SPON1: variants seen among roughly 807,000 people sequenced by gnomAD.
The protein encoded by SPON1 is spondin 1, also known as spondin-1.
In SPON1, 52 loss-of-function variants were observed where a neutral mutation model predicts 111.7. The observed-to-expected ratio is 0.47, with a 90% CI of 0.37 to 0.59. The LOEUF (loss-of-function observed/expected upper bound fraction) is 0.59, where lower values mean the gene tolerates loss of function less well. SPON1 is among the 20% of genes least tolerant of loss of function. SPON1 has a pLI of 0.00. For synonymous variants in SPON1, 410 were observed against 395.8 expected (o/e 1.04, Z -0.43); for missense variants, 957 against 1,068.5 (o/e 0.90, Z 1.46).
At chr11:14,018,588 A>G (rs1448038729) in intron 2 of SPON1, among the ~76,000 whole-genome samples, 1 of 152,202 alleles carries the variant, frequency 6.6e-6, no homozygotes, top group Non-Finnish European at 1.5e-5. Flanking sequence ...AAAGATAAGT[A>G]AACAAATGAC....
chr11:14,013,913 G>A (rs1848424318), intron 2 of SPON1, among the ~76,000 whole-genome samples: 3 of 152,174 alleles, frequency 2.0e-5, no homozygotes, highest in Admixed American at 2.0e-4. Flanking sequence ...TTTCTTCCTT[G>A]GGTGTTTTGT....
At chr11:14,077,557 C>T (rs113608354) in intron 4 of SPON1, among the ~76,000 whole-genome samples, 4 of 151,766 alleles carry the variant, frequency 2.6e-5, no homozygotes, top group East Asian at 1.9e-4. Flanking sequence ...CTCAGCCTCC[C>T]GAGTAGTTGG....
chr11:14,043,201 A>C (rs1247965671), intron 3 of SPON1, among the ~76,000 whole-genome samples: 1 of 152,192 alleles, frequency 6.6e-6, no homozygotes, highest in African/African-American at 2.4e-5. Flanking sequence ...CATTACTAGC[A>C]TTTGGCAGAG....
chr11:13,992,500 G>T (rs969591255), intron 2 of SPON1, among the ~76,000 whole-genome samples: 6 of 152,176 alleles, frequency 3.9e-5, no homozygotes, highest in African/African-American at 9.7e-5. Context: ...TGGGCTCCGT[G>T]GGGGTGGGAC....
intron 6 of SPON1, among the ~76,000 whole-genome samples, chr11:14,183,159 G>A (rs1422173601): frequency 6.6e-6 from 1 of 152,134 alleles, no homozygotes; most frequent in African/African-American, 2.4e-5. Flanking sequence ...GGGCCCATTA[G>A]ACTAACATTA....
chr11:14,137,767 G>A (rs1847609579), intron 6 of SPON1, among the ~76,000 whole-genome samples: 1 of 152,114 alleles, frequency 6.6e-6, no homozygotes, highest in Admixed American at 6.5e-5. Context: ...TGCCCCTGAA[G>A]CCAGGCCTAC....
At chr11:14,090,704 C>G (rs1849044058) in intron 5 of SPON1, among the ~76,000 whole-genome samples, 1 of 151,768 alleles carries the variant, frequency 6.6e-6, no homozygotes, top group Admixed American at 6.6e-5. Context: ...CAGCGTGGAC[C>G]CAAAGAGTGA....
intron 5 of SPON1, among the ~76,000 whole-genome samples, chr11:14,087,007 T>G (rs1849011920): frequency 6.6e-6 from 1 of 152,200 alleles, no homozygotes; most frequent in East Asian, 1.9e-4. Flanking sequence ...TTATCATTTT[T>G]TATTGTGTCT....
At chr11:14,222,265 G>A (rs548783876) in intron 6 of SPON1, among the ~76,000 whole-genome samples, 6 of 152,184 alleles carry the variant, frequency 3.9e-5, no homozygotes, top group Admixed American at 6.5e-5. Flanking sequence ...ACATAAGCCA[G>A]GTTTCATCAA....
At position 14,260,740 on chromosome 11, in the gene SPON1, C is replaced by T. The variant is rs34612495; in HGVS notation, c.1984C>T (p.Leu662Phe). 1.1e-5 allele frequency: 17 copies of T among 1,613,546 alleles called. No homozygotes were observed. Among genetic ancestry groups the T allele is most frequent in the Non-Finnish European group, 1.4e-5 (17 of 1,179,636 alleles). Residue 662 changes from leucine to phenylalanine, a missense_variant, in exon 14 of 16, where the codon CTC (leucine) becomes TTC (phenylalanine). Physicochemically the swap from Leu to Phe is conservative, Grantham distance 22. Around this residue, in one of 5 missense-constraint regions of SPON1, gnomAD observed 549 missense variants for 606.2 expected, o/e 0.91. Transcript: ENST00000576479. Reference protein sequence around the residue: ...EDLEQVEKCMLPECPIDCELT... With the variant: ...EDLEQVEKCMFPECPIDCELT... Reference sequence around the variant, plus strand: ...TCTGGAGCAGGTGGAGAAGTGCATGCTCCCTGAATGCCGTAAGTCCTGGAG... The same window carrying T: ...TCTGGAGCAGGTGGAGAAGTGCATGTTCCCTGAATGCCGTAAGTCCTGGAG...
chr11:14,033,350 C>G (rs11605142), intron 2 of SPON1, among the ~76,000 whole-genome samples: 2 of 152,188 alleles, frequency 1.3e-5, no homozygotes, highest in Non-Finnish European at 2.9e-5. Flanking sequence ...CTGCCATGGC[C>G]CACCCACGTG....
At chr11:14,254,389 C>A in intron 7 of SPON1, 139 bp from the exon 8 acceptor site, 1 of 772,984 alleles carries the variant, frequency 1.3e-6, no homozygotes, top group Non-Finnish European at 2.0e-6. Context: ...CCACAGTGGC[C>A]AAAGGCAGAA....
intron 3 of SPON1, among the ~76,000 whole-genome samples, chr11:14,067,029 C>T (rs1474872710): frequency 6.6e-6 from 1 of 152,180 alleles, no homozygotes; most frequent in South Asian, 2.1e-4. Context: ...ATGTAAAAAG[C>T]AGCCAAGCAT....
intron 6 of SPON1, among the ~76,000 whole-genome samples, chr11:14,157,012 A>G (rs1288312247): frequency 6.6e-6 from 1 of 152,202 alleles, no homozygotes; most frequent in Non-Finnish European, 1.5e-5. Context: ...GGAGAGCCAA[A>G]CTATATCAAT....
At chr11:13,989,336 A>G (rs1848209717) in intron 2 of SPON1, among the ~76,000 whole-genome samples, 1 of 152,170 alleles carries the variant, frequency 6.6e-6, no homozygotes, top group African/African-American at 2.4e-5. Context: ...TTATTTGCAT[A>G]GAGGTGTTTA....
chr11:14,015,058 A>T (rs1848434945), intron 2 of SPON1, among the ~76,000 whole-genome samples: 1 of 152,206 alleles, frequency 6.6e-6, no homozygotes, highest in South Asian at 2.1e-4. Context: ...AATGGGCACA[A>T]CATAGTCTAC....
rs534067414 is a variant in SPON1 at position 14,262,576 on chromosome 11, TTTC to T, written c.1997-128_1997-126del. The T allele has an allele frequency of 2.0e-4, 233 of 1,194,360 alleles. 1 individual carries two copies. The South Asian group carries it at 3.2e-3, about 16-fold the overall frequency. 74.0% of individuals were successfully genotyped at this position (1,194,360 alleles called of 1,614,324 possible). A position where few individuals can be genotyped will look rare whatever the true frequency, so the allele number is the denominator to read the frequency against. ...TCAGCCTGCCTCTTTGGAGCCTCAG[TTTC>T]TTCTTCTGTAAAATAGCATGACACA... On this transcript the variant is annotated intron_variant, in intron 14 of 15. Coordinates refer to ENST00000576479, the MANE Select transcript of SPON1 (RefSeq NM_006108.4).
At chr11:14,082,237 TACAGAGTTTC>T (rs1564900730) in intron 5 of SPON1, among the ~76,000 whole-genome samples, 1 of 152,162 alleles carries the variant, frequency 6.6e-6, no homozygotes. Context: ...TACAAATCTA[TACAGAGTTTC>T]TGTGGAGTTG....
chr11:14,171,309 T>C (rs1199510059), intron 6 of SPON1, among the ~76,000 whole-genome samples: 2 of 152,214 alleles, frequency 1.3e-5, no homozygotes, highest in Non-Finnish European at 2.9e-5. Context: ...TCTCTGATGG[T>C]AGTTTGTATT....
Sources: allele counts gnomAD v4.1 joint callset (sites outside exome capture counted in the v4.1 genomes callset), GRCh38; gene constraint gnomAD v4.1.1; regional missense constraint gnomAD v4.1.1; transcripts MANE v1.5; gene names NCBI Gene and HGNC (gene_info 2026-07-23, HGNC 2026-07-21).